TLN2: variants seen among roughly 807,000 people sequenced by gnomAD.
The protein encoded by TLN2 is talin-2.
TLN2 carries 118 observed loss-of-function variants against 294.7 expected under a neutral mutation model. The observed-to-expected ratio is 0.40, with a 90% CI of 0.34 to 0.47. The LOEUF (loss-of-function observed/expected upper bound fraction) is 0.47, where lower values mean the gene tolerates loss of function less well. Among genes scored for constraint, TLN2 ranks in the 20% least tolerant of loss-of-function variants. TLN2 has a pLI of 0.84. For synonymous variants in TLN2, 1,431 were observed against 1,304.5 expected (o/e 1.10, Z -2.09); for missense variants, 3,083 against 3,282.2 (o/e 0.94, Z 1.48).
At chr15:62,721,581 A>G (rs1254672010) in intron 25 of TLN2, among the ~76,000 whole-genome samples, 1 of 152,062 alleles carries the variant, frequency 6.6e-6, no homozygotes, top group African/African-American at 2.4e-5. Flanking sequence ...GAACTTTTCT[A>G]AGTGTAGTTT....
At chr15:62,569,715 G>A (rs939002434) in intron 1 of TLN2, among the ~76,000 whole-genome samples, 1 of 152,248 alleles carries the variant, frequency 6.6e-6, no homozygotes, top group African/African-American at 2.4e-5. Context: ...CAGAAGTTGG[G>A]TAGCACGTGA....
intron 52 of TLN2, among the ~76,000 whole-genome samples, chr15:62,815,227 A>ACACT (rs2067019689): frequency 1.6e-5 from 2 of 126,816 alleles, no homozygotes; most frequent in African/African-American, 5.9e-5. Context: ...ACACACACAC[A>ACACT]CACACTCACT....
At chr15:62,700,936 C>T (rs1334658536) in intron 16 of TLN2, among the ~76,000 whole-genome samples, 170 bp from the exon 17 acceptor site, 1 of 152,188 alleles carries the variant, frequency 6.6e-6, no homozygotes, top group East Asian at 1.9e-4. Flanking sequence ...TCTCTTGCTC[C>T]TTAAGAGGCC....
intron 1 of TLN2, among the ~76,000 whole-genome samples, chr15:62,459,617 A>C (rs1211768574): frequency 6.6e-6 from 1 of 152,140 alleles, no homozygotes; most frequent in East Asian, 1.9e-4. Context: ...TTTCAGGTTG[A>C]CAACATCCAA....
At chr15:62,455,748 G>T (rs1486101858) in intron 1 of TLN2, among the ~76,000 whole-genome samples, 1 of 152,136 alleles carries the variant, frequency 6.6e-6, no homozygotes, top group Non-Finnish European at 1.5e-5. Context: ...TTGCCTCTGG[G>T]ACTCCATATG....
At chr15:62,454,286 GGGAA>G (rs914063543) in intron 1 of TLN2, among the ~76,000 whole-genome samples, 1 of 152,178 alleles carries the variant, frequency 6.6e-6, no homozygotes, top group African/African-American at 2.4e-5. Flanking sequence ...GAGGCAGAAA[GGGAA>G]GGAAGAGGTG....
intron 52 of TLN2, among the ~76,000 whole-genome samples, chr15:62,814,623 GAC>G (rs1309809712): frequency 2.0e-5 from 3 of 152,140 alleles, no homozygotes; most frequent in Admixed American, 1.3e-4. Flanking sequence ...TAAAAAGCAA[GAC>G]AGTCTTTGAA....
intron 1 of TLN2, among the ~76,000 whole-genome samples, chr15:62,397,239 C>T (rs1331702149): frequency 6.6e-6 from 1 of 152,096 alleles, no homozygotes; most frequent in Non-Finnish European, 1.5e-5. Context: ...AAAAGCATTT[C>T]ACATTTTATT....
At chr15:62,686,304 G>C (rs2141042003) in intron 11 of TLN2, among the ~76,000 whole-genome samples, 1 of 152,318 alleles carries the variant, frequency 6.6e-6, no homozygotes, top group South Asian at 2.1e-4. Flanking sequence ...GCCACTGGGA[G>C]TGATAGTACC....
chr15:62,657,919 C>T, intron 9 of TLN2, 21 bp downstream of exon 9: 9 of 1,604,764 alleles, frequency 5.6e-6, no homozygotes, highest in Non-Finnish European at 6.0e-6. Flanking sequence ...TTTTGTTTCT[C>T]TTTTTTCTCT....
chr15:62,473,659 G>A (rs913482575), intron 1 of TLN2, among the ~76,000 whole-genome samples: 3 of 152,232 alleles, frequency 2.0e-5, no homozygotes, highest in African/African-American at 7.2e-5. Flanking sequence ...AGCAGAAGCA[G>A]AGGGCTTCAA....
At chr15:62,537,220 G>A (rs930252497) in intron 1 of TLN2, among the ~76,000 whole-genome samples, 8 of 152,088 alleles carry the variant, frequency 5.3e-5, no homozygotes, top group African/African-American at 1.7e-4. Flanking sequence ...GGGTTTCGCC[G>A]TGTTAGCCAG....
chr15:62,445,942 C>T (rs1323495284), intron 1 of TLN2, among the ~76,000 whole-genome samples: 2 of 152,100 alleles, frequency 1.3e-5, no homozygotes, highest in Non-Finnish European at 2.9e-5. Flanking sequence ...TGAGCCATCG[C>T]CTACTGGCCC....
intron 42 of TLN2, among the ~76,000 whole-genome samples, chr15:62,774,853 C>T (rs751078892): frequency 2.0e-5 from 3 of 151,948 alleles, no homozygotes; most frequent in Non-Finnish European, 4.4e-5. Context: ...GCTTCTGAAC[C>T]TTCCTGAGCC....
chr15:62,694,024 AG>A, intron 13 of TLN2, among the ~76,000 whole-genome samples: 1 of 137,010 alleles, frequency 7.3e-6, no homozygotes. Flanking sequence ...GCTGGAGTGC[AG>A]TGGCGCTGTC....
chr15:62,653,192 T>C lies in TLN2; in HGVS notation c.395T>C (p.Ile132Thr), dbSNP rs1391610769. The change falls in exon 7 of 59, where the codon ATC (isoleucine) becomes ACC (threonine). Residue 132 changes from isoleucine to threonine, a missense_variant. Ile to Thr is a moderately conservative substitution (Grantham distance 89). Coordinates refer to ENST00000636159, the MANE Select transcript of TLN2 (RefSeq NM_015059.3). ...ACAAATTATGAAGAATACTCCTTAATCCAAGAAACTATTGAAGAAAAGAAA... is the reference window on the plus strand; with the variant it reads ...ACAAATTATGAAGAATACTCCTTAACCCAAGAAACTATTGAAGAAAAGAAA... Reference protein sequence around the residue: ...GITNYEEYSLIQETIEEKKEE... With the variant: ...GITNYEEYSLTQETIEEKKEE... The C allele has an allele frequency of 6.3e-7, 1 of 1,599,318 alleles. No individual in the cohort carries two copies. The highest frequency in any genetic ancestry group is 8.5e-7 in the Non-Finnish European group (1 of 1,172,644).
chr15:62,424,891 G>T (rs1428984246), intron 1 of TLN2, among the ~76,000 whole-genome samples: 1 of 146,908 alleles, frequency 6.8e-6, no homozygotes, highest in African/African-American at 2.5e-5. Context: ...GGTCTCAAAT[G>T]ATCTACTCAC....
At chr15:62,584,492 T>A (rs755975291) in intron 1 of TLN2, among the ~76,000 whole-genome samples, 1 of 152,226 alleles carries the variant, frequency 6.6e-6, no homozygotes, top group African/African-American at 2.4e-5. Flanking sequence ...CGCTGTCTAC[T>A]TGCTCTTCAT....
chr15:62,543,007 C>G (rs562301120), intron 1 of TLN2, among the ~76,000 whole-genome samples: 1 of 152,198 alleles, frequency 6.6e-6, no homozygotes, highest in East Asian at 1.9e-4. Flanking sequence ...GATATGTGAC[C>G]TAGGACATAT....
Sources: allele counts gnomAD v4.1 joint callset (sites outside exome capture counted in the v4.1 genomes callset), GRCh38; gene constraint gnomAD v4.1.1; transcripts MANE v1.5; gene names NCBI Gene and HGNC (gene_info 2026-07-23, HGNC 2026-07-21).